Variants in MID1 observed in about 807,000 individuals in gnomAD.
MID1 encodes midline 1.
A neutral mutation model predicts 40.4 loss-of-function variants in MID1; 7 were observed. That is an observed-to-expected ratio of 0.17 (90% CI 0.10 to 0.33). The LOEUF is 0.33. Ranked by LOEUF, MID1 falls within the 10% of genes least tolerant of loss-of-function variation. MID1 has a pLI of 1.00. For synonymous variants in MID1, 229 were observed against 221.2 expected (o/e 1.04, Z -0.31); for missense variants, 367 against 558.5 (o/e 0.66, Z 3.46).
intron 1 of MID1, among the ~76,000 whole-genome samples, chrX:10,586,423 T>G (rs191664601): frequency 3.6e-5 from 4 of 111,523 alleles, no homozygotes; most frequent in African/African-American, 9.8e-5. Flanking sequence ...CAGCTCTCGG[T>G]CTACTGATGT....
At chrX:10,764,271 G>C (rs770123765) in intron 1 of MID1, among the ~76,000 whole-genome samples, 57 of 111,443 alleles carry the variant, frequency 5.1e-4, no homozygotes, top group Non-Finnish European at 8.7e-4. Context: ...TAATGCCTAG[G>C]TTTTCTTCTA....
At chrX:10,565,679 T>C (rs1727912158) in intron 2 of MID1, among the ~76,000 whole-genome samples, 1 of 112,052 alleles carries the variant, frequency 8.9e-6, no homozygotes, top group Non-Finnish European at 1.9e-5. Context: ...ATGAACATAG[T>C]ATCTCACTCA....
intron 1 of MID1, among the ~76,000 whole-genome samples, chrX:10,608,275 A>AACTT (rs781656582): frequency 4.4e-4 from 49 of 112,380 alleles, no homozygotes; most frequent in African/African-American, 1.5e-3. Flanking sequence ...GAGAAATGCA[A>AACTT]ACTTACAGTC....
intron 1 of MID1, among the ~76,000 whole-genome samples, chrX:10,634,837 C>A (rs940228672): frequency 8.9e-6 from 1 of 112,185 alleles, no homozygotes; most frequent in African/African-American, 3.2e-5. Flanking sequence ...ATGAGTCATG[C>A]GATACATTTG....
chrX:10,463,483 T>C (rs1268546041), intron 7 of MID1, among the ~76,000 whole-genome samples: 1 of 112,478 alleles, frequency 8.9e-6, no homozygotes, highest in Admixed American at 9.4e-5. Context: ...CTGCAAAGGA[T>C]ACTTCTCCAA....
At chrX:10,581,362 GGCAGATCGGA>G (rs1469107518) in intron 1 of MID1, among the ~76,000 whole-genome samples, 1 of 112,738 alleles carries the variant, frequency 8.9e-6, no homozygotes, top group Non-Finnish European at 1.9e-5. Context: ...TCCTTGCAAA[GGCAGATCGGA>G]GCCAGATACT....
At chrX:10,688,876 G>C (rs1236927601) in intron 1 of MID1, among the ~76,000 whole-genome samples, 2 of 111,448 alleles carry the variant, frequency 1.8e-5, no homozygotes, top group Non-Finnish European at 3.8e-5. Context: ...TGTTCTTTGT[G>C]TCACAAAAAT....
chrX:10,792,455 C>T lies in MID1; in HGVS notation c.-187+41099G>A, dbSNP rs780495401. 3.0e-4 allele frequency among the ~76,000 whole-genome samples: 34 copies of T among 112,137 alleles called. No individual in the cohort carries two copies. In the South Asian group the frequency reaches 3.7e-3, roughly 12 times the overall value. The stretch of plus-strand genomic sequence containing the variant: ...AATAAATCAATAAACTCTGACTGAC[C>T]GAACACATATTCTCCCTTGTGATAA... On this transcript the variant is annotated intron_variant, in intron 1 of 10. Transcript: ENST00000380785.
chrX:10,518,805 C>T (rs1209597012), intron 3 of MID1, among the ~76,000 whole-genome samples: 1 of 111,620 alleles, frequency 9.0e-6, no homozygotes, highest in Non-Finnish European at 1.9e-5. Flanking sequence ...AGGATTTATA[C>T]AAAAACAACA....
At chrX:10,777,519 A>G (rs1476670069) in intron 1 of MID1, among the ~76,000 whole-genome samples, 1 of 107,257 alleles carries the variant, frequency 9.3e-6, no homozygotes. Flanking sequence ...TATTCTTATT[A>G]TATAAGCTCT....
intron 1 of MID1, among the ~76,000 whole-genome samples, chrX:10,814,402 T>A (rs921154932): frequency 1.4e-4 from 16 of 111,614 alleles, no homozygotes; most frequent in African/African-American, 3.9e-4. Flanking sequence ...TTACTTTTTT[T>A]AAAAAAACTT....
chrX:10,474,884 T>G lies in MID1; in HGVS notation c.1014-134A>C, dbSNP rs752821566. 6.8e-6 allele frequency: 4 copies of G among 585,037 alleles called. No homozygotes were observed. The African/African-American group carries it at 9.0e-5, about 13-fold the overall frequency. 48.2% of individuals were successfully genotyped at this position (585,037 alleles called of 1,213,427 possible). A position where few individuals can be genotyped will look rare whatever the true frequency, so the allele number is the denominator to read the frequency against. On this transcript the variant is annotated intron_variant, in intron 5 of 9. Coordinates refer to ENST00000317552, the MANE Select transcript of MID1 (RefSeq NM_000381.4). Reference sequence around the variant, plus strand: ...TTACACATGAGTTTTAAGAGGCATCTCAAAATGTCACAACACAGTAACATA... The same window carrying G: ...TTACACATGAGTTTTAAGAGGCATCGCAAAATGTCACAACACAGTAACATA...
At chrX:10,591,287 T>C (rs993670016) in intron 1 of MID1, among the ~76,000 whole-genome samples, 5 of 112,526 alleles carry the variant, frequency 4.4e-5, no homozygotes, top group African/African-American at 6.5e-5. Context: ...GTCATCTTCA[T>C]GGTAAAGATA....
intron 1 of MID1, among the ~76,000 whole-genome samples, chrX:10,781,184 G>C (rs187928340): frequency 4.5e-5 from 5 of 112,258 alleles, no homozygotes; most frequent in African/African-American, 1.6e-4. Context: ...TTTAGTTTGT[G>C]AATATGTGGG....
At chrX:10,594,554 G>A (rs1314793490) in intron 1 of MID1, among the ~76,000 whole-genome samples, 1 of 111,388 alleles carries the variant, frequency 9.0e-6, no homozygotes, top group Non-Finnish European at 1.9e-5. Context: ...GGTTGATTGG[G>A]TGCACGTGAC....
At chrX:10,599,183 C>A in intron 1 of MID1, among the ~76,000 whole-genome samples, 1 of 112,006 alleles carries the variant, frequency 8.9e-6, no homozygotes, top group Non-Finnish European at 1.9e-5. Flanking sequence ...TTTTAATCAC[C>A]TTCCGCTTAA....
intron 1 of MID1, among the ~76,000 whole-genome samples, chrX:10,570,992 T>G (rs369795154): frequency 1.7e-5 from 1 of 57,252 alleles, no homozygotes; most frequent in Non-Finnish European, 5.5e-5. Flanking sequence ...GAACAAGCAC[T>G]TACAAGTTTC....
chrX:10,646,516 CT>C (rs750198307), intron 1 of MID1, among the ~76,000 whole-genome samples: 2 of 111,324 alleles, frequency 1.8e-5, no homozygotes, highest in Admixed American at 1.9e-4. Flanking sequence ...TTTCCACCCC[CT>C]GATGTTAAGG....
intron 1 of MID1, among the ~76,000 whole-genome samples, chrX:10,648,910 G>A (rs1357441778): frequency 1.8e-5 from 2 of 111,526 alleles, no homozygotes; most frequent in Non-Finnish European, 3.8e-5. Context: ...ACCACTACAA[G>A]CAGGAGATCA....
Sources: gnomAD v4.1 joint callset for allele counts (sites outside exome capture counted in the v4.1 genomes callset) on GRCh38, gnomAD v4.1.1 for gene constraint, MANE v1.5 for transcripts, NCBI Gene and HGNC (gene_info 2026-07-23, HGNC 2026-07-21) for gene names.